DCUN1D4: variants seen among roughly 807,000 people sequenced by gnomAD.
DCUN1D4 encodes the protein defective in cullin neddylation 1 domain containing 4.
In DCUN1D4, 22 loss-of-function variants were observed where a neutral mutation model predicts 47.9. The observed-to-expected ratio is 0.46, with a 90% CI of 0.33 to 0.66. DCUN1D4 has a LOEUF of 0.66. DCUN1D4 is among the 30% of genes least tolerant of loss of function. DCUN1D4 has a pLI of 0.02. For missense variants in DCUN1D4, 301 were observed against 340.8 expected, an observed-to-expected ratio of 0.88 and a Z score of 0.92; for synonymous variants, 121 against 112.2, an observed-to-expected ratio of 1.08 and a Z score of -0.50.
intron 7 of DCUN1D4, among the ~76,000 whole-genome samples, chr4:51,895,279 A>C (rs994219127): frequency 5.3e-5 from 8 of 151,720 alleles, no homozygotes; most frequent in Non-Finnish European, 8.8e-5. Context: ...CAGAGTTTTT[A>C]ATCATTTCTG....
intron 1 of DCUN1D4, among the ~76,000 whole-genome samples, chr4:51,859,669 A>G (rs1048190325): frequency 2.3e-5 from 3 of 131,684 alleles, no homozygotes; most frequent in African/African-American, 7.8e-5. Flanking sequence ...AAAAAAACCC[A>G]GACAAGTTTA....
chr4:51,848,367 G>C, intron 1 of DCUN1D4: 1 of 1,244,876 alleles, frequency 8.0e-7, no homozygotes, highest in Non-Finnish European at 1.0e-6. Flanking sequence ...AGCATTAACA[G>C]GTCTGATGTT....
intron 8 of DCUN1D4, among the ~76,000 whole-genome samples, chr4:51,908,662 T>C (rs568794448): frequency 6.6e-6 from 1 of 152,258 alleles, no homozygotes; most frequent in East Asian, 1.9e-4. Flanking sequence ...CATTTCACTT[T>C]TAATTGGGAA....
intron 3 of DCUN1D4, among the ~76,000 whole-genome samples, chr4:51,868,303 C>T (rs1160427658): frequency 2.0e-5 from 3 of 152,202 alleles, no homozygotes; most frequent in African/African-American, 7.2e-5. Flanking sequence ...CCTGCCTGTT[C>T]CAAGCTCCGT....
rs930329916 is a variant in DCUN1D4 at position 51,910,899 on chromosome 4, A to G, written c.616-171A>G. The G allele has an allele frequency of 5.0e-5, 31 of 615,926 alleles. No homozygotes were observed. In the East Asian group the frequency reaches 8.8e-4, roughly 18 times the overall value. The allele number at this position is 615,926 out of a possible 1,614,324, so 38.2% of individuals were successfully genotyped here. On this transcript the variant is annotated intron_variant, in intron 8 of 10. Coordinates refer to ENST00000334635, the MANE Select transcript of DCUN1D4 (RefSeq NM_001040402.3). ...TAATATCGTAATGCCCAAGCCTTCC[A>G]TTGTGTTTGACTACCTCCCCTCCCT...
rs571416869 is a variant in DCUN1D4 at position 51,870,878 on chromosome 4, T to G, written c.137-3393T>G. Among the ~76,000 whole-genome samples, 267 of 151,754 alleles carry G rather than the reference T, an allele frequency of 1.8e-3. 1 individual carries two copies. The highest frequency in any genetic ancestry group is 6.0e-3 in the African/African-American group (250 of 41,376). ...GTTTCCCTAAGCATTAAAAAGTTGT[T>G]TTTTTTTTGTAGCCTGAATGGGTTC... On this transcript the variant is annotated intron_variant, in intron 3 of 10. Coordinates refer to ENST00000334635, the MANE Select transcript of DCUN1D4 (RefSeq NM_001040402.3).
intron 8 of DCUN1D4, 23 bp downstream of exon 8, chr4:51,899,401 A>T (rs1231930049): frequency 6.3e-7 from 1 of 1,586,370 alleles, no homozygotes; most frequent in Non-Finnish European, 8.6e-7. Context: ...GAGCCTATCC[A>T]GATGTTTCCC....
At chr4:51,866,836 G>C (rs1342139001) in intron 3 of DCUN1D4, among the ~76,000 whole-genome samples, 1 of 152,116 alleles carries the variant, frequency 6.6e-6, no homozygotes, top group Non-Finnish European at 1.5e-5. Flanking sequence ...ACTTTTCATG[G>C]GATTCTTGGG....
At chr4:51,835,665 G>C in the DCUN1D4 span, among the ~76,000 whole-genome samples, 3 of 152,078 alleles carry the variant, frequency 2.0e-5, no homozygotes, top group Non-Finnish European at 4.4e-5. Flanking sequence ...TGGGAGGTCT[G>C]GGGCATTTCT....
intron 3 of DCUN1D4, among the ~76,000 whole-genome samples, chr4:51,867,219 G>A (rs927354795): frequency 1.5e-4 from 23 of 152,324 alleles, no homozygotes; most frequent in African/African-American, 5.3e-4. Context: ...ACAAGGTGGC[G>A]CCCGGAAGCT....
intron 8 of DCUN1D4, among the ~76,000 whole-genome samples, chr4:51,908,697 G>T (rs1037528205): frequency 1.3e-4 from 19 of 151,930 alleles, no homozygotes; most frequent in Admixed American, 1.2e-3. Flanking sequence ...ATGTCATTAG[G>T]ATCATTGTTG....
chr4:51,880,134 C>T (rs1457159778), intron 5 of DCUN1D4, among the ~76,000 whole-genome samples: 1 of 152,132 alleles, frequency 6.6e-6, no homozygotes, highest in East Asian at 1.9e-4. Flanking sequence ...GCCCCATTGG[C>T]ATGTGTTTTC....
chr4:51,870,631 G>A (rs1052754723), intron 3 of DCUN1D4, among the ~76,000 whole-genome samples: 9 of 152,156 alleles, frequency 5.9e-5, no homozygotes, highest in African/African-American at 1.4e-4. Context: ...ATAAGATACT[G>A]TATTAGCTGC....
chr4:51,892,711 T>C (rs1730619002), intron 7 of DCUN1D4, among the ~76,000 whole-genome samples: 1 of 152,224 alleles, frequency 6.6e-6, no homozygotes. Flanking sequence ...CTCAGTTTCA[T>C]TCAAGAAAAC....
At chr4:51,881,228 T>C (rs1488457479) in intron 5 of DCUN1D4, among the ~76,000 whole-genome samples, 1 of 152,170 alleles carries the variant, frequency 6.6e-6, no homozygotes, top group African/African-American at 2.4e-5. Flanking sequence ...AATACACAGG[T>C]GCCAACATTG....
chr4:51,859,964 A>G (rs985004557), intron 1 of DCUN1D4, among the ~76,000 whole-genome samples: 1 of 152,198 alleles, frequency 6.6e-6, no homozygotes, highest in African/African-American at 2.4e-5. Flanking sequence ...TCGGTAAAGC[A>G]TTTGATCTTT....
intron 8 of DCUN1D4, among the ~76,000 whole-genome samples, chr4:51,902,593 A>G (rs1206761621): frequency 1.3e-5 from 2 of 152,290 alleles, no homozygotes; most frequent in African/African-American, 2.4e-5. Flanking sequence ...TCTGCATGCT[A>G]TATCTTTTTT....
intron 5 of DCUN1D4, among the ~76,000 whole-genome samples, chr4:51,880,884 A>C (rs1373355560): frequency 6.6e-6 from 1 of 152,072 alleles, no homozygotes; most frequent in Non-Finnish European, 1.5e-5. Context: ...TAATCCTAAC[A>C]CTGGGAGGTC....
At chr4:51,849,613 G>A (rs1024905246) in intron 1 of DCUN1D4, among the ~76,000 whole-genome samples, 10 of 152,098 alleles carry the variant, frequency 6.6e-5, no homozygotes, top group African/African-American at 1.9e-4. Context: ...GGACACAGTC[G>A]ATATCAGCTG....
Sources: allele counts gnomAD v4.1 joint callset (sites outside exome capture counted in the v4.1 genomes callset), GRCh38; gene constraint gnomAD v4.1.1; transcripts MANE v1.5; gene names NCBI Gene and HGNC (gene_info 2026-07-23, HGNC 2026-07-21).